EXOSC9: variants seen among roughly 807,000 people sequenced by gnomAD.
The protein encoded by EXOSC9 is exosome component 9, also known as exosome complex component RRP45.
EXOSC9 carries 38 observed loss-of-function variants against 56.5 expected under a neutral mutation model. The observed-to-expected ratio is 0.67, with a 90% CI of 0.52 to 0.88. The LOEUF (loss-of-function observed/expected upper bound fraction) is 0.88, where lower values mean the gene tolerates loss of function less well. Ranked by LOEUF, EXOSC9 falls within the 40% of genes least tolerant of loss-of-function variation. The pLI, the probability that EXOSC9 is intolerant of heterozygous loss-of-function variation, is 0.00. For synonymous variants in EXOSC9, 170 were observed against 170.8 expected (o/e 0.99, Z 0.04); for missense variants, 559 against 530.5 (o/e 1.05, Z -0.53).
rs1318652055 is a variant in EXOSC9, at chr4:121,813,933, G to A, written c.1042G>A (p.Gly348Ser). Reference protein sequence around the residue: ...QIGEGVENSWGDLEDSEKEDD... With the variant: ...QIGEGVENSWSDLEDSEKEDD... Reference sequence around the variant, plus strand: ...TGGAGAGGGAGTAGAAAACTCCTGGGGTGATCTTGAAGACTCTGAGAAGGA... The same window carrying A: ...TGGAGAGGGAGTAGAAAACTCCTGGAGTGATCTTGAAGACTCTGAGAAGGA... The change falls in exon 10 of 12, where the codon GGT (glycine) becomes AGT (serine). Residue 348 changes from glycine (G) to serine (S), a missense_variant. Physicochemically the swap from Gly to Ser is moderately conservative, Grantham distance 56 (BLOSUM62 0). Transcript: ENST00000243498. The A allele has an allele frequency of 1.2e-6, 2 of 1,613,122 alleles. No homozygotes were observed. The highest frequency in any genetic ancestry group is 1.7e-6 in the Non-Finnish European group (2 of 1,179,204).
intron 5 of EXOSC9, among the ~76,000 whole-genome samples, chr4:121,806,508 A>G (rs1437859297): frequency 6.6e-6 from 1 of 152,192 alleles, no homozygotes; most frequent in Non-Finnish European, 1.5e-5. Context: ...AATTCTAGCA[A>G]TTCCATGCCT....
intron 5 of EXOSC9, among the ~76,000 whole-genome samples, chr4:121,805,793 ATT>A (rs1727000612): frequency 6.8e-6 from 1 of 146,582 alleles, no homozygotes; most frequent in Admixed American, 6.8e-5. Context: ...AGAAGAAAAT[ATT>A]CTTTTTTTTT....
At chr4:121,810,478 A>G (rs973201554) in intron 7 of EXOSC9, among the ~76,000 whole-genome samples, 6 of 151,976 alleles carry the variant, frequency 3.9e-5, no homozygotes, top group Non-Finnish European at 8.8e-5. Flanking sequence ...TCAGGAGTTC[A>G]AGACCAGCCT....
At chr4:121,801,593 C>A in intron 1 of EXOSC9, 103 bp downstream of exon 1, 1 of 1,084,364 alleles carries the variant, frequency 9.2e-7, no homozygotes, top group Non-Finnish European at 1.4e-6. Context: ...ACTAGGGGAA[C>A]GACCGGCACG....
At chr4:121,808,265 A>G (rs1360944456) in intron 6 of EXOSC9, among the ~76,000 whole-genome samples, 1 of 150,726 alleles carries the variant, frequency 6.6e-6, no homozygotes, top group Non-Finnish European at 1.5e-5. Flanking sequence ...AAACACTTAC[A>G]AGTTTTAGTG....
rs990820305 is a variant in EXOSC9, at chr4:121,813,314, T to C, written c.908T>C (p.Ile303Thr). Residue 303 changes from isoleucine to threonine, a missense_variant, in exon 9 of 12, where the codon ATT becomes ACT. Transcript: ENST00000243498. The part of the protein sequence containing the change: ...ITAFKMEKAP[I>T]DTSDVEEKAE... ...GCATTTAAAATGGAAAAGGCCCCTA[T>C]TGATACCTCGGATGTAGAAGAAAAA... The C allele has an allele frequency of 1.2e-6, 2 of 1,613,726 alleles. No individual in the cohort carries two copies. Among genetic ancestry groups the C allele is most frequent in the African/African-American group, 1.3e-5 (1 of 75,034 alleles).
intron 5 of EXOSC9, 101 bp downstream of exon 5, chr4:121,804,860 A>G (rs1338291735): frequency 4.2e-5 from 42 of 994,634 alleles, no homozygotes; most frequent in Non-Finnish European, 4.9e-5. Flanking sequence ...GTAGATGGCA[A>G]TTGGGTCGTT....
Position 121,804,615 on chromosome 4 carries a change from C to A in EXOSC9, c.385-7C>A. On this transcript the variant is annotated splice_region_variant and splice_polypyrimidine_tract_variant and intron_variant, in intron 4 of 11. Transcript: ENST00000243498. ...AGGATTTATTTTTATTTTAAATTCA[C>A]TATCAGGTTTGGCAAATACGTGTAG... 1 of 1,536,420 alleles carries A rather than the reference C, an allele frequency of 6.5e-7. No homozygotes were observed. Among genetic ancestry groups the A allele is most frequent in the Non-Finnish European group, 8.9e-7 (1 of 1,119,078 alleles).
Position 121,801,917 on chromosome 4 carries a change from A to G in EXOSC9, c.157A>G (p.Thr53Ala), listed in dbSNP as rs565461980. The G allele has an allele frequency of 1.1e-5, 18 of 1,606,986 alleles. No individual in the cohort carries two copies. In the South Asian group the frequency reaches 2.0e-4, roughly 18 times the overall value. The stretch of plus-strand genomic sequence containing the variant: ...ATGCTGCATTGTGGAACTTGGAAAA[A>G]CAAGGTAACAGGATTTAAATGAGAT... ...YGCCIVELGK[T>A]RVLGQVSCEL... Residue 53 changes from threonine to alanine, a missense_variant, in exon 2 of 12, where the codon ACA becomes GCA. Coordinates refer to ENST00000243498, the MANE Select transcript of EXOSC9 (RefSeq NM_005033.3).
chr4:121,816,885 A>T lies in EXOSC9; in HGVS notation c.*29A>T. Reference sequence around the variant, plus strand: ...TAACAGTTGTATATCTGTATATATAACTATTAAAAGGGATATTTATTCCAT... The same window carrying T: ...TAACAGTTGTATATCTGTATATATATCTATTAAAAGGGATATTTATTCCAT... On this transcript the variant is annotated 3_prime_UTR_variant, in exon 12 of 12. Coordinates refer to ENST00000243498, the MANE Select transcript of EXOSC9 (RefSeq NM_005033.3). The T allele has an allele frequency of 6.6e-7, 1 of 1,511,896 alleles. No individual in the cohort carries two copies. Among genetic ancestry groups the T allele is most frequent in the East Asian group, 2.4e-5 (1 of 41,434 alleles). 93.7% of individuals were successfully genotyped at this position (1,511,896 alleles called of 1,614,324 possible). A position where few individuals can be genotyped will look rare whatever the true frequency, so the allele number is the denominator to read the frequency against.
intron 10 of EXOSC9, 78 bp downstream of exon 10, chr4:121,814,125 A>G (rs1284647105): frequency 1.2e-6 from 1 of 849,440 alleles, no homozygotes; most frequent in African/African-American, 1.7e-5. Context: ...TATAATGCAT[A>G]AAATGTGTGT....
Position 121,804,685 on chromosome 4 carries a change from A to G in EXOSC9, c.448A>G (p.Ser150Gly). ...TGATGGAAATATTATTGATGCTGCC[A>G]GCATTGCTGCAATCGTGGCCTTATG... ...NHDGNIIDAA[S>G]IAAIVALCHF... Residue 150 changes from serine (S) to glycine (G), a missense_variant, in exon 5 of 12, where the codon AGC (serine) becomes GGC (glycine). By Grantham distance (56) the Ser-to-Gly change is moderately conservative (BLOSUM62 0). Transcript: ENST00000243498. The G allele has an allele frequency of 1.2e-6, 2 of 1,610,646 alleles. No individual in the cohort carries two copies. The highest frequency in any genetic ancestry group is 1.7e-5 in the Admixed American group (1 of 60,002).
At chr4:121,803,814 G>A (rs961338993) in intron 4 of EXOSC9, among the ~76,000 whole-genome samples, 25 of 152,226 alleles carry the variant, frequency 1.6e-4, no homozygotes, top group East Asian at 1.5e-3. Flanking sequence ...GATTACAGGC[G>A]TGAGCTACTG....
At chr4:121,811,808 A>G (rs113725453) in intron 8 of EXOSC9, 137 bp downstream of exon 8, 21 of 479,256 alleles carry the variant, frequency 4.4e-5, no homozygotes, top group African/African-American at 4.0e-4. Flanking sequence ...TTCAATTAAA[A>G]TTGACTCATT....
At chr4:121,807,795 A>C in intron 6 of EXOSC9, 173 bp downstream of exon 6, 1 of 607,398 alleles carries the variant, frequency 1.6e-6, no homozygotes, top group Non-Finnish European at 2.9e-6. Flanking sequence ...TCTCAGTAGA[A>C]GTAACAAAAC....
chr4:121,812,349 A>C (rs997696318), intron 8 of EXOSC9, among the ~76,000 whole-genome samples: 2 of 152,228 alleles, frequency 1.3e-5, no homozygotes, highest in Non-Finnish European at 2.9e-5. Flanking sequence ...AACGAGGGCA[A>C]CCATATAAAT....
chr4:121,808,529 T>C (rs1381109055), intron 6 of EXOSC9, among the ~76,000 whole-genome samples: 2 of 151,942 alleles, frequency 1.3e-5, no homozygotes, highest in African/African-American at 4.8e-5. Context: ...CTAGCTAATT[T>C]TTGTATTTTT....
rs1351153268 is a variant in EXOSC9 at position 121,809,958 on chromosome 4, T to A, written c.606-9T>A. 15 of 1,613,982 alleles carry A rather than the reference T, an allele frequency of 9.3e-6. No individual in the cohort carries two copies. The East Asian group carries it at 3.1e-4, about 34-fold the overall frequency. ...AGATTTGTTCAGGTCCATTTAACAT[T>A]CATTTCAGAACATATTTATTGGTGG... is the stretch of plus-strand genomic sequence containing the variant. On this transcript the variant is annotated splice_polypyrimidine_tract_variant and intron_variant, in intron 6 of 11. Transcript: ENST00000243498.
intron 2 of EXOSC9, among the ~76,000 whole-genome samples, chr4:121,802,239 A>G (rs540669722): frequency 2.0e-5 from 3 of 152,202 alleles, no homozygotes; most frequent in Non-Finnish European, 4.4e-5. Context: ...TTAAGTGTAC[A>G]TCCTGCTTTC....
Sources: gnomAD v4.1 joint callset for allele counts (sites outside exome capture counted in the v4.1 genomes callset) on GRCh38, gnomAD v4.1.1 for gene constraint, MANE v1.5 for transcripts, NCBI Gene and HGNC (gene_info 2026-07-23, HGNC 2026-07-21) for gene names.